EFHD1: variants seen among roughly 807,000 people sequenced by gnomAD.
EFHD1 encodes the protein EF-hand domain-containing protein D1.
Under a neutral mutation model 17.2 loss-of-function variants are expected in EFHD1, and 10 were observed. That is an observed-to-expected ratio of 0.58 (90% CI 0.36 to 0.99). The LOEUF (loss-of-function observed/expected upper bound fraction) is 0.99, where lower values mean the gene tolerates loss of function less well. EFHD1 is among the 50% of genes least tolerant of loss of function. The pLI is 0.01. For missense variants in EFHD1, 310 were observed against 327.5 expected, an observed-to-expected ratio of 0.95 and a Z score of 0.41; for synonymous variants, 153 against 142.0, an observed-to-expected ratio of 1.08 and a Z score of -0.55.
intron 1 of EFHD1, among the ~76,000 whole-genome samples, chr2:232,649,008 T>C (rs1694586963): frequency 6.6e-6 from 1 of 152,156 alleles, no homozygotes; most frequent in African/African-American, 2.4e-5. Context: ...TTCCAACAGC[T>C]GAACCTCTGG....
chr2:232,656,294 C>T (rs922071825), intron 1 of EFHD1, among the ~76,000 whole-genome samples: 1 of 152,144 alleles, frequency 6.6e-6, no homozygotes. Flanking sequence ...CATGAGTTTT[C>T]TGGCAGCCTC....
chr2:232,631,191 C>T (rs986728763), upstream of EFHD1, among the ~76,000 whole-genome samples: 4 of 151,988 alleles, frequency 2.6e-5, no homozygotes, highest in African/African-American at 9.7e-5. Flanking sequence ...CGCACCACTG[C>T]ACTTCAGCCT....
intron 3 of EFHD1, among the ~76,000 whole-genome samples, chr2:232,676,345 T>A (rs888356225): frequency 6.6e-6 from 1 of 152,166 alleles, no homozygotes; most frequent in Non-Finnish European, 1.5e-5. Context: ...TCTGATCACA[T>A]CCTGTTTGAC....
chr2:232,675,755 G>C (rs1695160998), intron 3 of EFHD1, among the ~76,000 whole-genome samples: 1 of 152,158 alleles, frequency 6.6e-6, no homozygotes, highest in Non-Finnish European at 1.5e-5. Flanking sequence ...GGGACAACCA[G>C]ACTAGAGAGG....
intron 1 of EFHD1, among the ~76,000 whole-genome samples, chr2:232,621,456 T>TCTTC (rs1694016277): frequency 6.6e-6 from 1 of 151,760 alleles, no homozygotes; most frequent in Non-Finnish European, 1.5e-5. Context: ...GTTTTTTCTT[T>TCTTC]CTTTTTTTCT....
chr2:232,608,294 C>T (rs756281896), intron 1 of EFHD1, among the ~76,000 whole-genome samples: 3 of 152,122 alleles, frequency 2.0e-5, no homozygotes, highest in Non-Finnish European at 2.9e-5. Context: ...CACTTGAATC[C>T]GGGAGGCGGA....
chr2:232,665,060 A>G (rs752493777), intron 2 of EFHD1, among the ~76,000 whole-genome samples: 3 of 151,470 alleles, frequency 2.0e-5, no homozygotes, highest in Non-Finnish European at 4.4e-5. Flanking sequence ...ACAGGCACGT[A>G]CCACTACACC....
chr2:232,646,299 C>G (rs1031814737), intron 1 of EFHD1, among the ~76,000 whole-genome samples: 30 of 152,208 alleles, frequency 2.0e-4, no homozygotes, highest in African/African-American at 7.2e-4. Context: ...CTGGTTCCCC[C>G]CACCCAGGCC....
chr2:232,606,344 G>A (rs1693712397), intron 1 of EFHD1, among the ~76,000 whole-genome samples: 1 of 152,174 alleles, frequency 6.6e-6, no homozygotes, highest in Non-Finnish European at 1.5e-5. Flanking sequence ...CGATCGGCTG[G>A]GCTTTTAAGC....
chr2:232,656,954 T>A (rs56832382), intron 1 of EFHD1, among the ~76,000 whole-genome samples: 1 of 152,068 alleles, frequency 6.6e-6, no homozygotes, highest in African/African-American at 2.4e-5. Context: ...ACTTTCTTAA[T>A]TTTTTTGTAG....
chr2:232,677,393 A>G (rs1175903004), intron 3 of EFHD1, among the ~76,000 whole-genome samples: 1 of 151,504 alleles, frequency 6.6e-6, no homozygotes, highest in African/African-American at 2.4e-5. Context: ...TGCAGGGGGA[A>G]TTTAGAAAAT....
At chr2:232,628,668 G>T (rs560729812), upstream of EFHD1, among the ~76,000 whole-genome samples, 5 of 152,186 alleles carry the variant, frequency 3.3e-5, no homozygotes, top group East Asian at 7.7e-4. Context: ...ACTCAATTCC[G>T]CAGGGATTTG....
chr2:232,659,257 G>A (rs1355687462), intron 1 of EFHD1, among the ~76,000 whole-genome samples: 2 of 151,946 alleles, frequency 1.3e-5, no homozygotes, highest in East Asian at 3.9e-4. Flanking sequence ...GCTTGAGTAA[G>A]AAGTAGCCAG....
chr2:232,619,530 C>CA (rs1330305768), intron 1 of EFHD1, among the ~76,000 whole-genome samples: 5 of 151,994 alleles, frequency 3.3e-5, no homozygotes, highest in African/African-American at 1.2e-4. Flanking sequence ...AGGCTGGTCT[C>CA]AAACTCCTGA....
chr2:232,615,971 G>A (rs1368521961), intron 1 of EFHD1, among the ~76,000 whole-genome samples: 1 of 152,166 alleles, frequency 6.6e-6, no homozygotes, highest in Non-Finnish European at 1.5e-5. Flanking sequence ...ATAGGCGTGA[G>A]CCACGGAGCC....
intron 1 of EFHD1, among the ~76,000 whole-genome samples, chr2:232,618,285 G>A (rs1157761925): frequency 6.6e-6 from 1 of 152,054 alleles, no homozygotes; most frequent in Non-Finnish European, 1.5e-5. Flanking sequence ...CTCCCAAAGT[G>A]CTAGGATTAC....
chr2:232,656,230 C>T (rs1694759472), intron 1 of EFHD1, among the ~76,000 whole-genome samples: 1 of 151,996 alleles, frequency 6.6e-6, no homozygotes, highest in African/African-American at 2.4e-5. Flanking sequence ...GGACTGTGGC[C>T]CTTGCATTCA....
intron 1 of EFHD1, among the ~76,000 whole-genome samples, chr2:232,647,105 T>C (rs1694544989): frequency 6.6e-6 from 1 of 152,246 alleles, no homozygotes; most frequent in Non-Finnish European, 1.5e-5. Flanking sequence ...GTGACCACCT[T>C]CTCAGGTTGT....
intron 1 of EFHD1, among the ~76,000 whole-genome samples, chr2:232,608,362 A>AAAAT (rs1223219501): frequency 3.3e-5 from 5 of 152,070 alleles, no homozygotes; most frequent in Admixed American, 1.3e-4. Flanking sequence ...ACTTCATCTC[A>AAAAT]AAATAAATAA....
Sources: gnomAD v4.1 joint callset for allele counts (sites outside exome capture counted in the v4.1 genomes callset) on GRCh38, gnomAD v4.1.1 for gene constraint, MANE v1.5 for transcripts, NCBI Gene and HGNC (gene_info 2026-07-23, HGNC 2026-07-21) for gene names.